Variants in DCHS2 observed in about 807,000 individuals in gnomAD.
DCHS2 encodes protocadherin-23.
A neutral mutation model predicts 182.4 loss-of-function variants in DCHS2; 142 were observed. The ratio of observed to expected loss-of-function variants is 0.78; its 90% CI spans 0.68 to 0.89. The LOEUF is 0.89. Among genes scored for constraint, DCHS2 ranks in the 40% least tolerant of loss-of-function variants. The pLI is 0.00. For synonymous variants in DCHS2, 1,740 were observed against 1,663.3 expected (o/e 1.05, Z -1.12); for missense variants, 4,319 against 4,198.6 (o/e 1.03, Z -0.79).
chr4:154,252,268 G>A (rs765495398), intron 16 of DCHS2, among the ~76,000 whole-genome samples: 4 of 152,096 alleles, frequency 2.6e-5, no homozygotes, highest in Non-Finnish European at 5.9e-5. Context: ...TTACATCAGG[G>A]TAAATGGAGT....
At chr4:154,450,463 T>A (rs913550348) in intron 1 of DCHS2, among the ~76,000 whole-genome samples, 2 of 152,136 alleles carry the variant, frequency 1.3e-5, no homozygotes, top group African/African-American at 4.8e-5. Context: ...ACAGAGAATG[T>A]TCCTGGTTCA....
intron 9 of DCHS2, among the ~76,000 whole-genome samples, chr4:154,316,739 G>A (rs374693274): frequency 2.6e-4 from 39 of 152,078 alleles, no homozygotes; most frequent in African/African-American, 8.7e-4. Flanking sequence ...AGCTGAGATC[G>A]TGCCACTGCA....
chr4:154,428,364 A>T (rs1251164859), intron 1 of DCHS2, among the ~76,000 whole-genome samples: 1 of 151,892 alleles, frequency 6.6e-6, no homozygotes, highest in Admixed American at 6.6e-5. Flanking sequence ...ACACAGTGAG[A>T]CCCCCCATCT....
At position 154,298,603 on chromosome 4, in the gene DCHS2, A is replaced by G. The variant is rs750073965; in HGVS notation, c.5711T>C (p.Leu1904Pro). The G allele has an allele frequency of 7.4e-6, 12 of 1,614,032 alleles. No individual in the cohort carries two copies. Among genetic ancestry groups the G allele is most frequent in the South Asian group, 1.1e-5 (1 of 91,082 alleles). Residue 1904 changes from leucine to proline, a missense_variant, in exon 13 of 20, where the codon CTG becomes CCG. By Grantham distance (98) the Leu-to-Pro change is moderately conservative. Coordinates refer to ENST00000357232, the MANE Select transcript of DCHS2 (RefSeq NM_001358235.2). Reference sequence around the variant, plus strand: ...AGGTGGATCTCCCAGGTCAGAGCACAGAATGACAAGGGTAAAATTGCTGAT... The same window carrying G: ...AGGTGGATCTCCCAGGTCAGAGCACGGAATGACAAGGGTAAAATTGCTGAT... ...EQISNFTLVI[L>P]CSDLGDPPRS...
chr4:154,460,885 T>C (rs13124347), intron 1 of DCHS2, among the ~76,000 whole-genome samples: 79,898 of 151,948 alleles, frequency 0.53, 21,518 homozygotes, highest in East Asian at 0.84. Context: ...GGGTAAAATA[T>C]CTACAGAACA....
chr4:154,234,830 A>G lies in DCHS2; in HGVS notation c.9822T>C (p.Phe3274=). 6.2e-7 allele frequency: 1 copy of G among 1,614,054 alleles called. No individual in the cohort carries two copies. Among genetic ancestry groups the G allele is most frequent in the Non-Finnish European group, 8.5e-7 (1 of 1,179,962 alleles). The stretch of plus-strand genomic sequence containing the variant: ...CTGTTATCAAAGGGGGTGGAAAAAC[A>G]AAAGATTTCTTCTCTTTTGGAATGC... The part of the protein sequence containing the change: ...MPGIPKEKKS[F]VFPPPLITAV... Residue 3274 remains phenylalanine, a synonymous_variant, in exon 20 of 20, where the codon TTT becomes TTC. Transcript: ENST00000357232.
chr4:154,338,078 A>C (rs1156663387), intron 3 of DCHS2, among the ~76,000 whole-genome samples: 2 of 152,162 alleles, frequency 1.3e-5, no homozygotes, highest in Admixed American at 6.5e-5. Flanking sequence ...CATCTGGTGC[A>C]GCTGGCCTTC....
At chr4:154,467,582 T>C (rs1260192464) in intron 1 of DCHS2, among the ~76,000 whole-genome samples, 3 of 152,122 alleles carry the variant, frequency 2.0e-5, no homozygotes, top group African/African-American at 7.2e-5. Context: ...GTTTAAACAA[T>C]GTTTGTAATT....
Position 154,235,966 on chromosome 4 carries a change from TGTC to T in DCHS2, c.8683_8685del (p.Asp2895del). The T allele has an allele frequency of 6.2e-7, 1 of 1,614,068 alleles. No homozygotes were observed. The highest frequency in any genetic ancestry group is 8.5e-7 in the Non-Finnish European group (1 of 1,179,958). On this transcript the variant is annotated inframe_deletion, in exon 20 of 20. Transcript: ENST00000357232. ...GCTTCCACTCTGCCAATCAACTGTC[TGTC>T]TTTATTCTTTTCTGGGAGGGTGAAA...
chr4:154,377,049 A>T, intron 2 of DCHS2, among the ~76,000 whole-genome samples: 1 of 152,156 alleles, frequency 6.6e-6, no homozygotes, highest in Admixed American at 6.6e-5. Context: ...GTGTTTTTAA[A>T]GTCATTTTTA....
intron 13 of DCHS2, among the ~76,000 whole-genome samples, chr4:154,279,128 A>G (rs1437667551): frequency 6.6e-6 from 1 of 152,146 alleles, no homozygotes; most frequent in Non-Finnish European, 1.5e-5. Flanking sequence ...GTAAAGGAGC[A>G]GAGTCTTTTG....
chr4:154,412,955 G>C (rs913687956), intron 1 of DCHS2, among the ~76,000 whole-genome samples: 5 of 152,194 alleles, frequency 3.3e-5, no homozygotes, highest in Non-Finnish European at 7.3e-5. Flanking sequence ...ACAGAAGTAA[G>C]AAGAGAGGAG....
intron 1 of DCHS2, among the ~76,000 whole-genome samples, chr4:154,475,466 CT>C (rs553833658): frequency 2.6e-5 from 4 of 151,040 alleles, no homozygotes; most frequent in South Asian, 2.1e-4. Context: ...ATTAGCCAGA[CT>C]TTTTTTTTGC....
intron 1 of DCHS2, among the ~76,000 whole-genome samples, chr4:154,431,849 G>A (rs1733571301): frequency 8.4e-6 from 1 of 119,326 alleles, no homozygotes; most frequent in Non-Finnish European, 2.0e-5. Context: ...ATCCCAAGCC[G>A]AATGCCCAAT....
At chr4:154,303,921 G>A (rs577865324) in intron 12 of DCHS2, among the ~76,000 whole-genome samples, 3 of 152,160 alleles carry the variant, frequency 2.0e-5, no homozygotes, top group South Asian at 4.2e-4. Context: ...TTCCCTTTGT[G>A]TGTGTATGTG....
At chr4:154,384,235 C>A in intron 1 of DCHS2, 2 of 1,386,894 alleles carry the variant, frequency 1.4e-6, no homozygotes. Context: ...GTCTAATGAT[C>A]GAGGCTTGAT....
rs1395637811 is a variant in DCHS2 at position 154,234,046 on chromosome 4, C to T, written c.*490G>A. ...ACTCCTCTAAATATATCAGATCCAC[C>T]AACTATTGCTTTATCTTAAAATGAA... On this transcript the variant is annotated 3_prime_UTR_variant, in exon 20 of 20. Transcript: ENST00000357232. 6.6e-6 allele frequency: 1 copy of T among 152,382 alleles called. No individual in the cohort carries two copies. The highest frequency in any genetic ancestry group is 1.5e-5 in the Non-Finnish European group (1 of 68,236). 9.4% of individuals were successfully genotyped at this position (152,382 alleles called of 1,614,324 possible). A position where few individuals can be genotyped will look rare whatever the true frequency, so the allele number is the denominator to read the frequency against.
At position 154,357,344 on chromosome 4, in the gene DCHS2, C is replaced by A. The variant is rs766871073; in HGVS notation, c.2476+8866G>T. Reference sequence around the variant, plus strand: ...AGAGTCCTAATTAGGGAAAAGGAGCCAGGCTGGTGGGAGCAGGGAAAAGCA... The same window carrying A: ...AGAGTCCTAATTAGGGAAAAGGAGCAAGGCTGGTGGGAGCAGGGAAAAGCA... On this transcript the variant is annotated intron_variant, in intron 3 of 19. Coordinates refer to ENST00000357232, the MANE Select transcript of DCHS2 (RefSeq NM_001358235.2). 3.3e-6 allele frequency: 5 copies of A among 1,532,206 alleles called. No individual in the cohort carries two copies. In the African/African-American group the frequency reaches 6.8e-5, roughly 21 times the overall value. 94.9% of individuals were successfully genotyped at this position (1,532,206 alleles called of 1,614,324 possible).
chr4:154,453,793 T>C (rs1212091386), intron 1 of DCHS2, among the ~76,000 whole-genome samples: 1 of 152,210 alleles, frequency 6.6e-6, no homozygotes, highest in Non-Finnish European at 1.5e-5. Flanking sequence ...CTTGCCTATC[T>C]AATTCCATCA....
Sources: gnomAD v4.1 joint callset for allele counts (sites outside exome capture counted in the v4.1 genomes callset) on GRCh38, gnomAD v4.1.1 for gene constraint, MANE v1.5 for transcripts, NCBI Gene and HGNC (gene_info 2026-07-23, HGNC 2026-07-21) for gene names.